The following TUBGCP6 variants were observed in gnomAD, a reference collection of about 807,000 sequenced individuals.
TUBGCP6 encodes tubulin gamma complex component 6, also known as gamma-tubulin complex component 6.
TUBGCP6 carries 161 observed loss-of-function variants against 175.8 expected under a neutral mutation model. The observed-to-expected ratio is 0.92, with a 90% CI of 0.81 to 1.04. TUBGCP6 has a LOEUF of 1.04. TUBGCP6 is among the 50% of genes least tolerant of loss of function. TUBGCP6 has a pLI of 0.00. For synonymous variants in TUBGCP6, 1,173 were observed against 1,030.5 expected, an observed-to-expected ratio of 1.14 and a Z score of -2.65; for missense variants, 2,572 against 2,433.0, an observed-to-expected ratio of 1.06 and a Z score of -1.20.
chr22:50,219,095 C>T lies in TUBGCP6; in HGVS notation c.4599G>A (p.Gln1533=), dbSNP rs755117720. 2.5e-6 allele frequency: 4 copies of T among 1,612,836 alleles called. No homozygotes were observed. In the South Asian group the frequency reaches 3.3e-5, roughly 13 times the overall value. The part of the protein sequence containing the change: ...FLLMEDGEFA[Q]SLSDLLFEKL... ...TCTCAAAGAGCAGGTCGCTGAGGGA[C>T]TGGGCGAACTCGCCGTCCTCCATCA... is the stretch of plus-strand genomic sequence containing the variant. The change falls in exon 20 of 25, where the codon CAG becomes CAA. Residue 1533 remains glutamine (Q), a synonymous_variant. Transcript: ENST00000248846.
At chr22:50,229,298 G>A (rs1056535157) in intron 4 of TUBGCP6, 106 bp downstream of exon 4, 2 of 1,279,580 alleles carry the variant, frequency 1.6e-6, no homozygotes, top group Non-Finnish European at 2.2e-6. Context: ...GGAAAGAAAA[G>A]GTTTAGACTC....
At position 50,224,230 on chromosome 22, in the gene TUBGCP6, C is replaced by T. The variant is rs1347333213; in HGVS notation, c.2181G>A (p.Glu727=). The change falls in exon 13 of 25, where the codon GAG becomes GAA. Residue 727 remains glutamate, a synonymous_variant. Transcript: ENST00000248846. ...QERRQAARQE[E]LDDDFSYARE... ...GGGCGTAGCTGAAGTCATCATCCAG[C>T]TCCTCCTGCCTGGCCGCCTGGCGTC... 1 of 1,614,190 alleles carries T rather than the reference C, an allele frequency of 6.2e-7. No homozygotes were observed. The highest frequency in any genetic ancestry group is 1.7e-5 in the Admixed American group (1 of 60,028).
chr22:50,228,386 G>A, intron 4 of TUBGCP6, among the ~76,000 whole-genome samples: 1 of 151,182 alleles, frequency 6.6e-6, no homozygotes, highest in Non-Finnish European at 1.5e-5. Flanking sequence ...GCATGGCAAA[G>A]GGGCTGGGGG....
intron 2 of TUBGCP6, among the ~76,000 whole-genome samples, chr22:50,237,137 A>C (rs751920309): frequency 6.6e-6 from 1 of 152,224 alleles, no homozygotes; most frequent in Non-Finnish European, 1.5e-5. Context: ...CCTCCGCCTT[A>C]ACCCAGCCCT....
chr22:50,232,901 G>A (rs185492809), intron 3 of TUBGCP6, among the ~76,000 whole-genome samples: 1 of 152,340 alleles, frequency 6.6e-6, no homozygotes, highest in Admixed American at 6.5e-5. Flanking sequence ...AACCAGTAAG[G>A]CCCGGCCCCA....
In TUBGCP6 at chr22:50,233,691, C is replaced by G. The variant is rs147015387; in HGVS notation, c.906-165G>C. 4.1e-3 allele frequency among the ~76,000 whole-genome samples: 617 copies of G among 152,240 alleles called. 6 individuals carry two copies. Among genetic ancestry groups the G allele is most frequent in the South Asian group, 0.026 (126 of 4,826 alleles). On this transcript the variant is annotated intron_variant, in intron 2 of 24. Coordinates refer to ENST00000248846, the MANE Select transcript of TUBGCP6 (RefSeq NM_020461.4). ...TATGAATGTCAGCTCACCACCCAGC[C>G]TTTTGTGGATGCTGCTGCTGTGAAT...
chr22:50,221,811 G>T lies in TUBGCP6; in HGVS notation c.2548C>A (p.Gln850Lys). The change falls in exon 16 of 25, where the codon CAA (glutamine) becomes AAA (lysine). Residue 850 changes from glutamine (Q) to lysine (K), a missense_variant. Coordinates refer to ENST00000248846, the MANE Select transcript of TUBGCP6 (RefSeq NM_020461.4). ...CAGCCATCCCAGGCAGGCGAGTGTT[G>T]CTCTGCAGACCCAGAATCACAGCCT... Reference protein sequence around the residue: ...GQGCDSGSAEQHSPAWDGWNR... With the variant: ...GQGCDSGSAEKHSPAWDGWNR... 6.6e-7 allele frequency: 1 copy of T among 1,511,692 alleles called. No homozygotes were observed. The highest frequency in any genetic ancestry group is 8.8e-7 in the Non-Finnish European group (1 of 1,130,176). The allele number at this position is 1,511,692 out of a possible 1,614,324, so 93.6% of individuals were successfully genotyped here.
Position 50,226,708 on chromosome 22 carries a change from C to T in TUBGCP6, c.1601+25G>A, listed in dbSNP as rs182713525. 973 of 1,553,186 alleles carry T rather than the reference C, an allele frequency of 6.3e-4. 5 individuals are homozygous for T. In the African/African-American group the frequency reaches 0.012, roughly 19 times the overall value. ...CTGCCTGGTGGGAGTGCGCGCCCGC[C>T]GCGCCTGCCCAGCCCACTGCCCACC... On this transcript the variant is annotated intron_variant, in intron 7 of 24. Coordinates refer to ENST00000248846, the MANE Select transcript of TUBGCP6 (RefSeq NM_020461.4).
intron 17 of TUBGCP6, 43 bp downstream of exon 17, chr22:50,219,914 C>T (rs748436917): frequency 6.2e-7 from 1 of 1,612,260 alleles, no homozygotes; most frequent in East Asian, 2.2e-5. Flanking sequence ...GGGACAGAGC[C>T]CTCCCTGCCT....
chr22:50,236,162 G>T (rs1383402243), intron 2 of TUBGCP6, among the ~76,000 whole-genome samples: 3 of 151,692 alleles, frequency 2.0e-5, no homozygotes, highest in East Asian at 1.9e-4. Context: ...TTGAGACGGA[G>T]TCTCGCTCTG....
At position 50,221,534 on chromosome 22, in the gene TUBGCP6, C is replaced by T. The variant is rs917208013; in HGVS notation, c.2825G>A (p.Ser942Asn). The T allele has an allele frequency of 2.5e-6, 4 of 1,584,004 alleles. No homozygotes were observed. The highest frequency in any genetic ancestry group is 1.1e-5 in the South Asian group (1 of 88,718). ...CTCCTGTGGCCTGGAGGGCTGAGTG[C>T]TGGCTGCTGCGGGTGCCTCCCCAGG... ...SAPGEAPAAA[S>N]TQPSRPQEYD... is the part of the protein sequence containing the mutation. Residue 942 changes from serine to asparagine, a missense_variant, in exon 16 of 25, where the codon AGC becomes AAC. Ser to Asn is a conservative substitution (Grantham distance 46). Coordinates refer to ENST00000248846, the MANE Select transcript of TUBGCP6 (RefSeq NM_020461.4).
chr22:50,226,456 C>A (rs1366486734), intron 7 of TUBGCP6, 78 bp from the exon 8 acceptor site: 16 of 1,370,424 alleles, frequency 1.2e-5, no homozygotes, highest in Non-Finnish European at 1.6e-5. Context: ...AGGGGTGGGA[C>A]AGGGGCGTGG....
chr22:50,225,006 C>A (rs2064583924), intron 10 of TUBGCP6, among the ~76,000 whole-genome samples: 1 of 152,096 alleles, frequency 6.6e-6, no homozygotes, highest in South Asian at 2.1e-4. Context: ...AGGGGAGACA[C>A]ATGGTCCAAG....
chr22:50,241,983 C>CAAAAAAAAAAAAAAAAAAAAA (rs55647714), intron 1 of TUBGCP6, among the ~76,000 whole-genome samples: 1 of 92,794 alleles, frequency 1.1e-5, no homozygotes, highest in African/African-American at 5.0e-5. Context: ...GACTCCATCT[C>CAAAAAAAAAAAAAAAAAAAAA]AAAAAAAAAA....
Position 50,219,274 on chromosome 22 carries a change from G to C in TUBGCP6, c.4484+14C>G, listed in dbSNP as rs1201402237. 6.2e-7 allele frequency: 1 copy of C among 1,607,026 alleles called. No homozygotes were observed. Among genetic ancestry groups the C allele is most frequent in the Admixed American group, 1.7e-5 (1 of 59,550 alleles). On this transcript the variant is annotated intron_variant, in intron 19 of 24. Coordinates refer to ENST00000248846, the MANE Select transcript of TUBGCP6 (RefSeq NM_020461.4). The stretch of plus-strand genomic sequence containing the variant: ...GCTGGGTGGGCAGACTGGCGCAGGG[G>C]CAGGGGCACTCACTGGGCGGCCAGC...
At chr22:50,233,718 C>A (rs1425907605) in intron 2 of TUBGCP6, among the ~76,000 whole-genome samples, 192 bp from the exon 3 acceptor site, 2 of 152,086 alleles carry the variant, frequency 1.3e-5, no homozygotes, top group Admixed American at 6.5e-5. Context: ...GCTGTGAATA[C>A]CAGCACGATC....
In TUBGCP6 at chr22:50,244,636, C is replaced by G. The variant is rs2147223640; in HGVS notation, c.-177G>C. The stretch of plus-strand genomic sequence containing the variant: ...AAGGAGGTCTTGCGGTTGCTCTACT[C>G]AGAGTAAACACGCCCTGCCCTCCCC... On this transcript the variant is annotated 5_prime_UTR_variant, in exon 1 of 25. Coordinates refer to ENST00000248846, the MANE Select transcript of TUBGCP6 (RefSeq NM_020461.4). The G allele has an allele frequency of 9.2e-7, 1 of 1,091,006 alleles. No individual in the cohort carries two copies. The highest frequency in any genetic ancestry group is 1.3e-6 in the Non-Finnish European group (1 of 789,690). 67.6% of individuals were successfully genotyped at this position (1,091,006 alleles called of 1,614,324 possible).
At chr22:50,223,859 C>A in intron 13 of TUBGCP6, 1 of 280,806 alleles carries the variant, frequency 3.6e-6, no homozygotes, top group Admixed American at 4.7e-5. Context: ...GAAGGATGTT[C>A]AGAAAGAAGA....
rs1359684920 is a variant in TUBGCP6, at chr22:50,219,766, G to C, written c.4193C>G (p.Pro1398Arg). 2 of 1,613,546 alleles carry C rather than the reference G, an allele frequency of 1.2e-6. No homozygotes were observed. Among genetic ancestry groups the C allele is most frequent in the South Asian group, 1.1e-5 (1 of 91,080 alleles). The part of the protein sequence containing the change: ...SQEDTAAQSS[P>R]GRGEEAEASA... The stretch of plus-strand genomic sequence containing the variant: ...TGCCTCCGCCTCCTCACCACGGCCT[G>C]GGCTGCTCTGGGCAGCTGTGTCTTC... The change falls in exon 18 of 25, where the codon CCA becomes CGA. Residue 1398 changes from proline to arginine, a missense_variant. By Grantham distance (103) the Pro-to-Arg change is moderately radical. Transcript: ENST00000248846.
Sources: allele counts gnomAD v4.1 joint callset (sites outside exome capture counted in the v4.1 genomes callset), GRCh38; gene constraint gnomAD v4.1.1; transcripts MANE v1.5; gene names NCBI Gene and HGNC (gene_info 2026-07-23, HGNC 2026-07-21).